TESPA1: variants seen among roughly 807,000 people sequenced by gnomAD.
TESPA1 encodes the protein thymocyte expressed, positive selection associated 1, also known as protein TESPA1.
A neutral mutation model predicts 57.9 loss-of-function variants in TESPA1; 33 were observed. The ratio of observed to expected loss-of-function variants is 0.57; its 90% CI spans 0.43 to 0.76. The LOEUF is 0.76. Among genes scored for constraint, TESPA1 ranks in the 30% least tolerant of loss-of-function variants. The probability of loss-of-function intolerance (pLI) is 0.00; values close to 1 mark genes in which losing one functional copy is unlikely to be tolerated. For missense variants in TESPA1, 618 were observed against 632.9 expected (o/e 0.98, Z 0.25); for synonymous variants, 227 against 228.9 (o/e 0.99, Z 0.07).
At chr12:54,952,417 C>T (rs1950459535) in intron 10 of TESPA1, among the ~76,000 whole-genome samples, 1 of 152,212 alleles carries the variant, frequency 6.6e-6, no homozygotes, top group African/African-American at 2.4e-5. Context: ...AACTCATCAG[C>T]TTTTTCTAAA....
chr12:54,950,567 C>T (rs1950319077), intron 10 of TESPA1, among the ~76,000 whole-genome samples, 177 bp from the exon 11 acceptor site: 1 of 152,138 alleles, frequency 6.6e-6, no homozygotes, highest in Non-Finnish European at 1.5e-5. Flanking sequence ...CTGCTCTTTT[C>T]ATCATGAGGT....
intron 7 of TESPA1, among the ~76,000 whole-genome samples, chr12:54,964,892 A>G (rs1377829954): frequency 6.6e-6 from 1 of 152,184 alleles, no homozygotes; most frequent in Non-Finnish European, 1.5e-5. Context: ...AAATGCATAT[A>G]TTTGAATCCC....
In TESPA1 at chr12:54,963,079, C is replaced by A; in HGVS notation, c.819G>T (p.Glu273Asp). The change falls in exon 9 of 11, where the codon GAG becomes GAT. Residue 273 changes from glutamate (E) to aspartate (D), a missense_variant. By Grantham distance (45) the Glu-to-Asp change is conservative (BLOSUM62 2). This residue lies in a region of TESPA1 where 409 missense variants were observed against 420.1 expected (regional missense o/e 0.97). Transcript: ENST00000449076. ...GGTCTCTGGGTGACTGGGGTTCAGGCTCTCGGGACAGAATCCTGATGGATG... is the reference window on the plus strand; with the variant it reads ...GGTCTCTGGGTGACTGGGGTTCAGGATCTCGGGACAGAATCCTGATGGATG... ...DVPSIRILSREPEPQSPRDRL... is the reference protein window; with the variant it reads ...DVPSIRILSRDPEPQSPRDRL... 6.2e-7 allele frequency: 1 copy of A among 1,613,882 alleles called. No homozygotes were observed. The highest frequency in any genetic ancestry group is 1.6e-4 in the Middle Eastern group (1 of 6,062).
rs550973861 is a variant in TESPA1, at chr12:54,983,749, G to A, written c.-46+836C>T. ...AGCTTAGTGGCACAGAAGGGGCATGGGAAAACCCCAGGGTGGAGGATCTTT... is the reference window on the plus strand; with the variant it reads ...AGCTTAGTGGCACAGAAGGGGCATGAGAAAACCCCAGGGTGGAGGATCTTT... On this transcript the variant is annotated intron_variant, in intron 1 of 10. Transcript: ENST00000449076. Among the ~76,000 whole-genome samples, 5 of 152,246 alleles carry A rather than the reference G, an allele frequency of 3.3e-5. No individual in the cohort carries two copies. In the South Asian group the frequency reaches 6.2e-4, roughly 19 times the overall value.
rs1950543344 is a variant in TESPA1 at position 54,953,666 on chromosome 12, C to T, written c.*2-3276G>A. On this transcript the variant is annotated intron_variant, in intron 10 of 10. Transcript: ENST00000449076. ...CCCGAGTAGCTGGGACTACAGGGAC[C>T]CGCCACTACGCCTGGCTAATTTTTT... 3.3e-5 allele frequency among the ~76,000 whole-genome samples: 5 copies of T among 152,128 alleles called. No individual in the cohort carries two copies. In the South Asian group the frequency reaches 1.0e-3, roughly 32 times the overall value.
chr12:54,967,510 C>A (rs1532051), intron 4 of TESPA1, among the ~76,000 whole-genome samples: 4,933 of 151,982 alleles, frequency 0.032, 269 homozygotes, highest in African/African-American at 0.11. Flanking sequence ...AATCCCCTGC[C>A]AAACAGCAAA....
intron 10 of TESPA1, among the ~76,000 whole-genome samples, chr12:54,953,080 G>GTA (rs1383474536): frequency 6.6e-6 from 1 of 151,956 alleles, no homozygotes; most frequent in African/African-American, 2.4e-5. Flanking sequence ...GGTTTCTGCA[G>GTA]TAGATTCTTA....
chr12:54,961,849 G>A (rs551762285), intron 9 of TESPA1, among the ~76,000 whole-genome samples: 2 of 152,276 alleles, frequency 1.3e-5, no homozygotes, highest in African/African-American at 2.4e-5. Flanking sequence ...TGTGTAGGTG[G>A]GAGCTTGTGG....
At position 54,967,829 on chromosome 12, in the gene TESPA1, G is replaced by T. The variant is rs1289150103; in HGVS notation, c.256+14C>A. 1 of 1,613,550 alleles carries T rather than the reference G, an allele frequency of 6.2e-7. No homozygotes were observed. Among genetic ancestry groups the T allele is most frequent in the South Asian group, 1.1e-5 (1 of 91,056 alleles). ...CAGGTAGAAGAAAAATAGATGGACAGAACCTATACTCACCATTGTAGATAA... is the reference window on the plus strand; with the variant it reads ...CAGGTAGAAGAAAAATAGATGGACATAACCTATACTCACCATTGTAGATAA... On this transcript the variant is annotated intron_variant, in intron 4 of 10. Transcript: ENST00000449076.
chr12:54,961,892 T>G (rs1951102023), intron 9 of TESPA1, among the ~76,000 whole-genome samples: 1 of 152,138 alleles, frequency 6.6e-6, no homozygotes, highest in Admixed American at 6.5e-5. Flanking sequence ...TAACCAAACA[T>G]GGACATGCAA....
intron 1 of TESPA1, among the ~76,000 whole-genome samples, chr12:54,976,213 G>T (rs139976723): frequency 3.2e-4 from 49 of 152,310 alleles, no homozygotes; most frequent in African/African-American, 1.2e-3. Context: ...TGACTTGGAA[G>T]ACTTACCCTG....
In TESPA1 at chr12:54,949,115, C is replaced by T. The variant is rs1950236849; in HGVS notation, c.*1277G>A. ...GGGGGGCTTTTTCCAAATTGTGAAA[C>T]TATCTTTTATCATGAAATAGGAGAA... On this transcript the variant is annotated 3_prime_UTR_variant, in exon 11 of 11. Transcript: ENST00000449076. The T allele has an allele frequency of 6.6e-6, 1 of 152,038 alleles. No individual in the cohort carries two copies. Among genetic ancestry groups the T allele is most frequent in the Non-Finnish European group, 1.5e-5 (1 of 68,004 alleles). 9.4% of individuals were successfully genotyped at this position (152,038 alleles called of 1,614,324 possible). A position where few individuals can be genotyped will look rare whatever the true frequency, so the allele number is the denominator to read the frequency against.
At chr12:54,979,904 G>T (rs1952252190) in intron 1 of TESPA1, among the ~76,000 whole-genome samples, 1 of 152,154 alleles carries the variant, frequency 6.6e-6, no homozygotes. Context: ...AATGTATAGA[G>T]TACTGCATAT....
intron 3 of TESPA1, chr12:54,968,102 A>G (rs1951563690): frequency 4.0e-6 from 5 of 1,235,862 alleles, no homozygotes; most frequent in East Asian, 2.7e-5. Flanking sequence ...GGAATGCACT[A>G]TATTTTAGAT....
At chr12:54,973,013 T>C (rs558986463) in intron 3 of TESPA1, among the ~76,000 whole-genome samples, 2 of 152,344 alleles carry the variant, frequency 1.3e-5, no homozygotes, top group African/African-American at 4.8e-5. Context: ...CCTGCTCCAA[T>C]TCTCCCCTGC....
rs1278804380 is a variant in TESPA1 at position 54,948,399 on chromosome 12, T to A, written c.*1993A>T. The A allele has an allele frequency of 6.0e-6, 1 of 165,522 alleles. No individual in the cohort carries two copies. Among genetic ancestry groups the A allele is most frequent in the Non-Finnish European group, 1.3e-5 (1 of 77,544 alleles). The allele number at this position is 165,522 out of a possible 1,614,324, so 10.3% of individuals were successfully genotyped here. On this transcript the variant is annotated 3_prime_UTR_variant, in exon 11 of 11. Coordinates refer to ENST00000449076, the MANE Select transcript of TESPA1 (RefSeq NM_001136030.3). ...TCTGTGTCCTCACCCAAATCTCATG[T>A]CAAACTGTAATCCCCATTGTTGGAG...
rs1282255002 is a variant in TESPA1, at chr12:54,980,365, A to G, written c.-46+4220T>C. Among the ~76,000 whole-genome samples, 5 of 152,224 alleles carry G rather than the reference A, an allele frequency of 3.3e-5. 1 individual carries two copies. Among genetic ancestry groups the G allele is most frequent in the African/African-American group, 1.2e-4 (5 of 41,452 alleles). ...AAGCAGTTTAGCCTTCCTCAGGCTT[A>G]CAGAGTGGTTTTTTTGGCAAGGGCC... On this transcript the variant is annotated intron_variant, in intron 1 of 10. Coordinates refer to ENST00000449076, the MANE Select transcript of TESPA1 (RefSeq NM_001136030.3).
At chr12:54,975,425 A>G (rs1157442135) in intron 1 of TESPA1, among the ~76,000 whole-genome samples, 1 of 152,156 alleles carries the variant, frequency 6.6e-6, no homozygotes, top group African/African-American at 2.4e-5. Context: ...AGACACAATG[A>G]TGGCACTAGA....
intron 10 of TESPA1, among the ~76,000 whole-genome samples, chr12:54,954,145 C>T (rs1950590050): frequency 6.6e-6 from 1 of 152,000 alleles, no homozygotes; most frequent in South Asian, 2.1e-4. Context: ...CGAGGCTTGC[C>T]CTGATCCACA....
Sources: gnomAD v4.1 joint callset for allele counts (sites outside exome capture counted in the v4.1 genomes callset) on GRCh38, gnomAD v4.1.1 for gene constraint, gnomAD v4.1.1 regional missense constraint, MANE v1.5 for transcripts, NCBI Gene and HGNC (gene_info 2026-07-23, HGNC 2026-07-21) for gene names.